The following TPRG1 variants were observed in gnomAD, a reference collection of about 807,000 sequenced individuals.
TPRG1 encodes tumor protein p63 regulated 1, also known as tumor protein p63-regulated gene 1 protein.
TPRG1 carries 29 observed loss-of-function variants against 29.3 expected under a neutral mutation model. The observed-to-expected ratio is 0.99, with a 90% confidence interval of 0.74 to 1.35. The LOEUF (loss-of-function observed/expected upper bound fraction) is 1.35, where lower values mean the gene tolerates loss of function less well. TPRG1 is among the 40% of genes most tolerant of loss of function. The pLI, the probability that TPRG1 is intolerant of heterozygous loss-of-function variation, is 0.00. For synonymous variants in TPRG1, 130 were observed against 116.8 expected (o/e 1.11, Z -0.73); for missense variants, 327 against 335.0 (o/e 0.98, Z 0.19).
intron 5 of TPRG1, among the ~76,000 whole-genome samples, chr3:189,164,256 A>G (rs1727863956): frequency 6.6e-6 from 1 of 152,034 alleles, no homozygotes; most frequent in Non-Finnish European, 1.5e-5. Context: ...TCCACCTTAC[A>G]GGTTCAAGCG....
intron 1 of TPRG1, among the ~76,000 whole-genome samples, chr3:189,198,095 C>G (rs2108766241): frequency 6.6e-6 from 1 of 152,302 alleles, no homozygotes; most frequent in Middle Eastern, 3.4e-3. Context: ...TTTTCACCAA[C>G]TGTAACCAGA....
intron 5 of TPRG1, among the ~76,000 whole-genome samples, chr3:189,163,909 G>A (rs946401852): frequency 6.6e-6 from 1 of 151,850 alleles, no homozygotes; most frequent in Admixed American, 6.6e-5. Flanking sequence ...GAAAACAATT[G>A]GATAAGATGA....
chr3:189,092,952 A>G (rs1159894862), intron 4 of TPRG1, among the ~76,000 whole-genome samples: 4 of 152,090 alleles, frequency 2.6e-5, no homozygotes. Flanking sequence ...GTGTTCTCTA[A>G]TTTGCTGAAA....
intron 1 of TPRG1, among the ~76,000 whole-genome samples, chr3:189,194,965 G>A (rs530218998): frequency 6.6e-6 from 1 of 152,232 alleles, no homozygotes; most frequent in Non-Finnish European, 1.5e-5. Flanking sequence ...AGCTCCAAAG[G>A]TACTAGACTT....
intron 3 of TPRG1, among the ~76,000 whole-genome samples, chr3:189,227,818 T>G (rs1737995840): frequency 6.6e-6 from 1 of 152,180 alleles, no homozygotes; most frequent in Non-Finnish European, 1.5e-5. Flanking sequence ...TTAGGAAATT[T>G]AATTTATAAT....
At chr3:189,146,824 T>C (rs17479060) in intron 3 of TPRG1, among the ~76,000 whole-genome samples, 47,526 of 152,044 alleles carry the variant, frequency 0.31, 7,832 homozygotes, top group Admixed American at 0.44. Context: ...GTTTGGTTCT[T>C]AGAGGTTTCC....
chr3:189,092,640 C>T (rs7627853), intron 4 of TPRG1, among the ~76,000 whole-genome samples: 14,042 of 151,936 alleles, frequency 0.092, 831 homozygotes, highest in African/African-American at 0.17. Flanking sequence ...GCACGCTGCT[C>T]AGAGTGCACT....
At chr3:189,257,943 A>G (rs1712202568) in intron 4 of TPRG1, among the ~76,000 whole-genome samples, 1 of 152,160 alleles carries the variant, frequency 6.6e-6, no homozygotes, top group African/African-American at 2.4e-5. Flanking sequence ...TTGGGTTAGA[A>G]CATGCTCCTT....
In TPRG1 at chr3:189,137,403, G is replaced by C. The variant is rs145359784; in HGVS notation, c.-291+4706G>C. ...CAAGTAACAGCAGCAATAGCCACTT[G>C]AAAACAGAACAAAACAAAAAAACAA... On this transcript the variant is annotated intron_variant, in intron 3 of 6. Transcript: ENST00000412373. Among the ~76,000 whole-genome samples the C allele has an allele frequency of 6.0e-3, 893 of 149,676 alleles. 1 individual carries two copies. The highest frequency in any genetic ancestry group is 0.017 in the Middle Eastern group (5 of 288).
chr3:189,010,725 G>A (rs564627426), intron 3 of TPRG1, among the ~76,000 whole-genome samples: 36 of 152,258 alleles, frequency 2.4e-4, no homozygotes, highest in Middle Eastern at 3.4e-3. Flanking sequence ...CATTCTGTAG[G>A]TTGTCTGTTT....
chr3:189,219,337 A>T (rs1454561809), intron 3 of TPRG1, among the ~76,000 whole-genome samples: 1 of 152,178 alleles, frequency 6.6e-6, no homozygotes, highest in East Asian at 1.9e-4. Flanking sequence ...GGAGAGAAGC[A>T]GCCCTAAACC....
intron 4 of TPRG1, among the ~76,000 whole-genome samples, chr3:189,251,490 A>G (rs1742250727): frequency 6.6e-6 from 1 of 152,058 alleles, no homozygotes. Flanking sequence ...GGCCCAGGGG[A>G]CCAGCGTTCA....
chr3:189,218,064 T>C (rs1378359555), intron 3 of TPRG1: 3 of 982,616 alleles, frequency 3.1e-6, no homozygotes, highest in African/African-American at 1.7e-5. Context: ...TTATGAATTA[T>C]AGGAGCTGTA....
chr3:189,184,748 C>G (rs1560524485), intron 1 of TPRG1, among the ~76,000 whole-genome samples: 1 of 152,174 alleles, frequency 6.6e-6, no homozygotes, highest in Non-Finnish European at 1.5e-5. Flanking sequence ...GACTGATTAC[C>G]TCTATGTTCT....
chr3:189,222,575 C>T (rs1211230698), intron 3 of TPRG1, among the ~76,000 whole-genome samples: 4 of 152,190 alleles, frequency 2.6e-5, no homozygotes, highest in African/African-American at 7.2e-5. Flanking sequence ...TCATCCCAGC[C>T]AGGCCTACTG....
At chr3:189,304,652 T>G (rs1721352981) in intron 4 of TPRG1, among the ~76,000 whole-genome samples, 1 of 152,166 alleles carries the variant, frequency 6.6e-6, no homozygotes, top group Non-Finnish European at 1.5e-5. Flanking sequence ...TGGGTTCTTG[T>G]CATGGAAAAT....
chr3:189,275,227 A>G (rs1344221746), intron 4 of TPRG1, among the ~76,000 whole-genome samples: 1 of 152,126 alleles, frequency 6.6e-6, no homozygotes, highest in African/African-American at 2.4e-5. Flanking sequence ...GATCCAAACA[A>G]TCTTAATAGA....
At chr3:189,132,915 T>C (rs754440078) in intron 3 of TPRG1, among the ~76,000 whole-genome samples, 6 of 152,060 alleles carry the variant, frequency 3.9e-5, no homozygotes, top group Non-Finnish European at 7.4e-5. Context: ...CTAAGTTCTG[T>C]GGGGGATGGA....
chr3:189,172,819 C>A (rs1391915681), intron 1 of TPRG1, among the ~76,000 whole-genome samples: 1 of 152,168 alleles, frequency 6.6e-6, no homozygotes, highest in Non-Finnish European at 1.5e-5. Context: ...GAGACATCCT[C>A]CAGATCTCTG....
Sources: gnomAD v4.1 joint callset for allele counts (sites outside exome capture counted in the v4.1 genomes callset) on GRCh38, gnomAD v4.1.1 for gene constraint, MANE v1.5 for transcripts, NCBI Gene and HGNC (gene_info 2026-07-23, HGNC 2026-07-21) for gene names.